The following ULK4 variants were observed in gnomAD, a reference collection of about 807,000 sequenced individuals.
ULK4 encodes the protein inactive serine/threonine-protein kinase ULK4.
ULK4 carries 133 observed loss-of-function variants against 160.6 expected under a neutral mutation model. That is an observed-to-expected ratio of 0.83 (90% CI 0.72 to 0.96). ULK4 has a LOEUF of 0.96. Among genes scored for constraint, ULK4 ranks in the 40% least tolerant of loss-of-function variants. ULK4 has a pLI of 0.00. For missense variants in ULK4, 1,580 were observed against 1,499.5 expected (o/e 1.05, Z -0.89); for synonymous variants, 534 against 539.8 (o/e 0.99, Z 0.15).
chr3:41,371,700 C>CA (rs1344750161), intron 35 of ULK4, among the ~76,000 whole-genome samples: 1 of 152,022 alleles, frequency 6.6e-6, no homozygotes, highest in Non-Finnish European at 1.5e-5. Flanking sequence ...AAAATCAGCG[C>CA]AAAAAGGATG....
At chr3:41,538,071 T>G (rs79796449) in intron 32 of ULK4, among the ~76,000 whole-genome samples, 1 of 152,174 alleles carries the variant, frequency 6.6e-6, no homozygotes, top group African/African-American at 2.4e-5. Flanking sequence ...GTTTGTTACA[T>G]TGACATTTTC....
intron 30 of ULK4, 59 bp from the exon 31 acceptor site, chr3:41,615,776 G>A: frequency 6.7e-7 from 1 of 1,495,290 alleles, no homozygotes. Flanking sequence ...TTGCACTGAT[G>A]GCCTGATATA....
At chr3:41,531,337 A>G (rs1289684029) in intron 32 of ULK4, among the ~76,000 whole-genome samples, 13 of 150,154 alleles carry the variant, frequency 8.7e-5, no homozygotes, top group African/African-American at 3.2e-4. Flanking sequence ...GCTACCCGGG[A>G]AGCTGAGGCA....
intron 32 of ULK4, among the ~76,000 whole-genome samples, chr3:41,511,382 A>C (rs2085571884): frequency 6.6e-6 from 1 of 152,160 alleles, no homozygotes; most frequent in Admixed American, 6.5e-5. Flanking sequence ...TAAAATTGAT[A>C]GACCATTAGT....
intron 31 of ULK4, among the ~76,000 whole-genome samples, chr3:41,592,896 T>C (rs973071958): frequency 6.6e-6 from 1 of 152,108 alleles, no homozygotes; most frequent in African/African-American, 2.4e-5. Flanking sequence ...TCTCTTAATG[T>C]CGATTTTTTT....
intron 31 of ULK4, among the ~76,000 whole-genome samples, chr3:41,595,185 C>T (rs1253113626): frequency 6.6e-6 from 1 of 152,190 alleles, no homozygotes; most frequent in Non-Finnish European, 1.5e-5. Flanking sequence ...AGGGGCTCTA[C>T]AGATGTGCAG....
intron 27 of ULK4, among the ~76,000 whole-genome samples, chr3:41,702,826 A>C (rs1193918852): frequency 6.6e-6 from 1 of 151,474 alleles, no homozygotes; most frequent in African/African-American, 2.4e-5. Flanking sequence ...GGCCAAAATT[A>C]GTAAGTTTTT....
intron 12 of ULK4, among the ~76,000 whole-genome samples, chr3:41,902,254 C>A (rs1455595650): frequency 6.6e-6 from 1 of 152,140 alleles, no homozygotes; most frequent in Non-Finnish European, 1.5e-5. Context: ...GAAACCCAAG[C>A]TGCCCCATGC....
chr3:41,285,849 A>G (rs1342080756), intron 35 of ULK4, among the ~76,000 whole-genome samples: 2 of 152,240 alleles, frequency 1.3e-5, no homozygotes, highest in African/African-American at 4.8e-5. Flanking sequence ...CAGTATGCAT[A>G]GTAGCTGCCA....
chr3:41,940,681 TCTTA>T (rs1265133950), intron 2 of ULK4, among the ~76,000 whole-genome samples: 6 of 152,026 alleles, frequency 3.9e-5, no homozygotes, highest in Non-Finnish European at 2.9e-5. Context: ...ATAGAAACAT[TCTTA>T]CTTATTTTCT....
intron 30 of ULK4, among the ~76,000 whole-genome samples, chr3:41,630,914 A>C (rs1575502046): frequency 6.6e-6 from 1 of 152,166 alleles, no homozygotes. Context: ...CAACTGACTG[A>C]GCACTAGACT....
chr3:41,640,548 C>T (rs1165008251), intron 30 of ULK4, among the ~76,000 whole-genome samples: 6 of 152,146 alleles, frequency 3.9e-5, no homozygotes, highest in Admixed American at 3.9e-4. Context: ...TGGGCTACAT[C>T]CACTGCCCAC....
At chr3:41,489,045 C>T (rs1382554152) in intron 32 of ULK4, among the ~76,000 whole-genome samples, 1 of 152,080 alleles carries the variant, frequency 6.6e-6, no homozygotes, top group Non-Finnish European at 1.5e-5. Flanking sequence ...AAACCCCCAA[C>T]CCCTGACCCT....
At chr3:41,396,510 T>C (rs1479304887) in intron 35 of ULK4, among the ~76,000 whole-genome samples, 2 of 152,226 alleles carry the variant, frequency 1.3e-5, no homozygotes, top group African/African-American at 4.8e-5. Context: ...TGTCTTCAGA[T>C]TGACTCACCT....
chr3:41,276,313 G>A (rs17266740), intron 35 of ULK4, among the ~76,000 whole-genome samples: 1,599 of 152,176 alleles, frequency 0.011, 14 homozygotes, highest in Non-Finnish European at 0.016. Context: ...TTACCTTTCC[G>A]GACCTTCGAG....
intron 34 of ULK4, among the ~76,000 whole-genome samples, chr3:41,432,914 T>C (rs1172646734): frequency 6.7e-6 from 1 of 149,760 alleles, no homozygotes; most frequent in African/African-American, 2.4e-5. Flanking sequence ...ATGGAAGTAG[T>C]AGAAGAAAAT....
At chr3:41,647,297 C>T (rs1329963169) in intron 30 of ULK4, among the ~76,000 whole-genome samples, 3 of 151,656 alleles carry the variant, frequency 2.0e-5, no homozygotes, top group African/African-American at 7.3e-5. Flanking sequence ...AGTTTTTCTG[C>T]TCTGTTTTTT....
intron 32 of ULK4, among the ~76,000 whole-genome samples, chr3:41,547,028 T>C (rs2086887924): frequency 6.6e-6 from 1 of 152,178 alleles, no homozygotes; most frequent in African/African-American, 2.4e-5. Flanking sequence ...CTTCACATAC[T>C]TTGTTGAGTT....
chr3:41,409,560 T>C (rs1283530602), intron 34 of ULK4, among the ~76,000 whole-genome samples: 2 of 152,220 alleles, frequency 1.3e-5, no homozygotes, highest in East Asian at 1.9e-4. Context: ...AATTTTTTAA[T>C]GAGCAAAGAC....
Sources: allele counts gnomAD v4.1 joint callset (sites outside exome capture counted in the v4.1 genomes callset), GRCh38; gene constraint gnomAD v4.1.1; transcripts MANE v1.5; gene names NCBI Gene and HGNC (gene_info 2026-07-23, HGNC 2026-07-21).